The following RERE variants were observed in gnomAD, a reference collection of about 807,000 sequenced individuals.
RERE encodes arginine-glutamic acid dipeptide repeats.
Under a neutral mutation model 146.1 loss-of-function variants are expected in RERE, and 40 were observed. The observed-to-expected ratio is 0.27, with a 90% CI of 0.21 to 0.36. The LOEUF (loss-of-function observed/expected upper bound fraction) is 0.36, where lower values mean the gene tolerates loss of function less well. Ranked by LOEUF, RERE falls within the 10% of genes least tolerant of loss-of-function variation. The probability of loss-of-function intolerance (pLI) is 1.00; values close to 1 mark genes in which losing one functional copy is unlikely to be tolerated. For synonymous variants in RERE, 1,003 were observed against 866.0 expected (o/e 1.16, Z -2.78); for missense variants, 1,933 against 2,138.7 (o/e 0.90, Z 1.90).
At position 8,775,103 on chromosome 1, in the gene RERE, G is replaced by GAT. The variant is rs1236663454; in HGVS notation, c.-145+42056_-145+42057insAT. ...AGCCTCCCAAGTAGCTGGGATTACA[G>GAT]GCGCACGCCACCACGCCCGGCTAAT... is the stretch of plus-strand genomic sequence containing the variant. On this transcript the variant is annotated intron_variant, in intron 1 of 22. Coordinates refer to ENST00000400908, the MANE Select transcript of RERE (RefSeq NM_001042681.2). 2.6e-5 allele frequency among the ~76,000 whole-genome samples: 4 copies of GAT among 151,808 alleles called. No homozygotes were observed. In the East Asian group the frequency reaches 7.8e-4, roughly 29 times the overall value.
chr1:8,390,912 C>A (rs1254796870), intron 12 of RERE, among the ~76,000 whole-genome samples: 1 of 152,082 alleles, frequency 6.6e-6, no homozygotes, highest in African/African-American at 2.4e-5. Flanking sequence ...TCTCACCAAT[C>A]CTGCCTTCCA....
chr1:8,454,913 C>G (rs1644434694), intron 11 of RERE, among the ~76,000 whole-genome samples: 1 of 152,116 alleles, frequency 6.6e-6, no homozygotes. Context: ...GGCAGCCAAT[C>G]TGAGTACTGA....
At chr1:8,485,283 C>T (rs1352730170) in intron 10 of RERE, among the ~76,000 whole-genome samples, 1 of 152,060 alleles carries the variant, frequency 6.6e-6, no homozygotes, top group Non-Finnish European at 1.5e-5. Flanking sequence ...ATCACTTGAA[C>T]CTGGGAGGCG....
At chr1:8,412,509 G>C (rs576684687) in intron 12 of RERE, among the ~76,000 whole-genome samples, 1 of 152,194 alleles carries the variant, frequency 6.6e-6, no homozygotes, top group Non-Finnish European at 1.5e-5. Context: ...ATGTATGTGG[G>C]ACATACAAAG....
At chr1:8,628,659 A>G (rs1647001430) in intron 2 of RERE, among the ~76,000 whole-genome samples, 2 of 152,246 alleles carry the variant, frequency 1.3e-5, no homozygotes, top group South Asian at 4.1e-4. Flanking sequence ...TCATTAATCA[A>G]GCAGCTATTT....
rs1362265629 is a variant in RERE, at chr1:8,736,204, T to A, written c.-144-79763A>T. Among the ~76,000 whole-genome samples, 4 of 152,030 alleles carry A rather than the reference T, an allele frequency of 2.6e-5. No individual in the cohort carries two copies. The East Asian group carries it at 7.7e-4, about 29-fold the overall frequency. On this transcript the variant is annotated intron_variant, in intron 1 of 22. Transcript: ENST00000400908. Reference sequence around the variant, plus strand: ...TAAACCATCAGTTTGTTTGTTTGTTTGTTTGTTTGTTTGTTTTTTGGAGAC... The same window carrying A: ...TAAACCATCAGTTTGTTTGTTTGTTAGTTTGTTTGTTTGTTTTTTGGAGAC...
chr1:8,421,165 A>G (rs1038814085), intron 12 of RERE, among the ~76,000 whole-genome samples: 3 of 152,226 alleles, frequency 2.0e-5, no homozygotes, highest in African/African-American at 7.2e-5. Context: ...ATGGTTTGCA[A>G]CTTTTAGCAG....
chr1:8,730,697 G>C (rs1167329877), intron 1 of RERE, among the ~76,000 whole-genome samples: 6 of 152,174 alleles, frequency 3.9e-5, no homozygotes, highest in South Asian at 4.1e-4. Flanking sequence ...GGTGTACAGT[G>C]GTGCAATCAC....
rs541859607 is a variant in RERE, at chr1:8,382,909, A to G, written c.1285-16935T>C. Reference sequence around the variant, plus strand: ...CAAAAAGGAGCCGGCACACATGCTCAGTAAGTGACAGGATTTTTTCTTGAA... The same window carrying G: ...CAAAAAGGAGCCGGCACACATGCTCGGTAAGTGACAGGATTTTTTCTTGAA... On this transcript the variant is annotated intron_variant, in intron 12 of 22. Coordinates refer to ENST00000400908, the MANE Select transcript of RERE (RefSeq NM_001042681.2). Among the ~76,000 whole-genome samples the G allele has an allele frequency of 2.0e-5, 3 of 152,170 alleles. No individual in the cohort carries two copies. In the East Asian group the frequency reaches 5.8e-4, roughly 30 times the overall value.
At chr1:8,694,489 G>A (rs2124424871) in intron 1 of RERE, among the ~76,000 whole-genome samples, 1 of 152,274 alleles carries the variant, frequency 6.6e-6, no homozygotes, top group African/African-American at 2.4e-5. Flanking sequence ...GGCTGGGCGG[G>A]GTGGCTCACG....
intron 1 of RERE, among the ~76,000 whole-genome samples, chr1:8,712,248 T>C (rs1344653276): frequency 6.6e-6 from 1 of 152,210 alleles, no homozygotes; most frequent in Admixed American, 6.5e-5. Context: ...GAGACTGTCA[T>C]AAAGACAAAT....
rs146545996 is a variant in RERE at position 8,374,947 on chromosome 1, CCTT to C, written c.1285-8976_1285-8974del. Among the ~76,000 whole-genome samples, 54 of 152,280 alleles carry C rather than the reference CCTT, an allele frequency of 3.5e-4. No homozygotes were observed. The East Asian group carries it at 9.7e-3, about 27-fold the overall frequency. On this transcript the variant is annotated intron_variant, in intron 12 of 22. Coordinates refer to ENST00000400908, the MANE Select transcript of RERE (RefSeq NM_001042681.2). ...AGGACTCAATTCATCACATTTGCTG[CCTT>C]CTTCTCCATGAAGCCTTCCCTTCAC...
chr1:8,381,134 G>A (rs190654111), intron 12 of RERE: 120 of 382,322 alleles, frequency 3.1e-4, no homozygotes, highest in Admixed American at 5.7e-4. Context: ...GCGAGTTTCC[G>A]ATGCGCCTGT....
intron 12 of RERE, among the ~76,000 whole-genome samples, chr1:8,417,612 A>C (rs1212429564): frequency 2.0e-5 from 3 of 152,124 alleles, no homozygotes; most frequent in Non-Finnish European, 4.4e-5. Context: ...TCTTCCTACA[A>C]GACTAAATTA....
rs763835328 is a variant in RERE, at chr1:8,512,014, C to CTTTTTTTTTTTTTTTTTTTTTTTTT, written c.831-3364_831-3340dup. 3 of 38,922 alleles carry CTTTTTTTTTTTTTTTTTTTTTTTTT rather than the reference C, an allele frequency of 7.7e-5. 1 individual carries two copies. Among genetic ancestry groups the CTTTTTTTTTTTTTTTTTTTTTTTTT allele is most frequent in the Non-Finnish European group, 1.4e-4 (3 of 20,740 alleles). The allele number at this position is 38,922 out of a possible 1,614,324, so 2.4% of individuals were successfully genotyped here. On this transcript the variant is annotated intron_variant, in intron 7 of 22. Transcript: ENST00000400908. ...GTATCAACAGCTTGTAGGAAACACT[C>CTTTTTTTTTTTTTTTTTTTTTTTTT]TTTTTTTTTTTTTTTTTTTTTTTTT... is the stretch of plus-strand genomic sequence containing the variant.
Position 8,582,386 on chromosome 1 carries a change from T to TTC in RERE, c.523-24865_523-24864dup, listed in dbSNP as rs200181058. On this transcript the variant is annotated intron_variant, in intron 4 of 22. Transcript: ENST00000400908. ...TATCACTGTGCCTGCTTTTTTTTTT[T>TTC]TCTCTCTCTTTCTTTAAAAACTTTT... is the stretch of plus-strand genomic sequence containing the variant. Among the ~76,000 whole-genome samples the TTC allele has an allele frequency of 8.1e-3, 1,227 of 151,776 alleles. 5 individuals carry two copies. The highest frequency in any genetic ancestry group is 0.013 in the Non-Finnish European group (908 of 67,916).
At chr1:8,436,096 A>T (rs1644166652) in intron 11 of RERE, among the ~76,000 whole-genome samples, 1 of 152,162 alleles carries the variant, frequency 6.6e-6, no homozygotes, top group South Asian at 2.1e-4. Context: ...TGAGGCAGGC[A>T]GATCACGAGG....
intron 7 of RERE, among the ~76,000 whole-genome samples, chr1:8,515,053 C>T (rs1374536296): frequency 1.3e-5 from 2 of 152,172 alleles, no homozygotes; most frequent in African/African-American, 4.8e-5. Context: ...CACAGAAATT[C>T]AGGTGTCTTT....
In RERE at chr1:8,771,314, G is replaced by C. The variant is rs190063507; in HGVS notation, c.-145+45846C>G. Among the ~76,000 whole-genome samples the C allele has an allele frequency of 2.1e-3, 324 of 151,964 alleles. 1 individual carries two copies. Among genetic ancestry groups the C allele is most frequent in the Non-Finnish European group, 1.6e-3 (108 of 67,972 alleles). ...AGGCGGGTGGATCACTTGAGGTCAGGAGTTCGAGTCCAGCCTGGCCAACAT... is the reference window on the plus strand; with the variant it reads ...AGGCGGGTGGATCACTTGAGGTCAGCAGTTCGAGTCCAGCCTGGCCAACAT... On this transcript the variant is annotated intron_variant, in intron 1 of 22. Transcript: ENST00000400908.
Sources: allele counts gnomAD v4.1 joint callset (sites outside exome capture counted in the v4.1 genomes callset), GRCh38; gene constraint gnomAD v4.1.1; transcripts MANE v1.5; gene names NCBI Gene and HGNC (gene_info 2026-07-23, HGNC 2026-07-21).